Variants in CRMP1 observed in about 807,000 individuals in gnomAD.
CRMP1 encodes the protein collapsin response mediator protein 1, also known as dihydropyrimidinase-related protein 1.
A neutral mutation model predicts 68.3 loss-of-function variants in CRMP1; 19 were observed. The observed-to-expected ratio is 0.28, with a 90% CI of 0.19 to 0.41. CRMP1 has a LOEUF of 0.41. Ranked by LOEUF, CRMP1 falls within the 10% of genes least tolerant of loss-of-function variation. CRMP1 has a pLI of 1.00. For missense variants in CRMP1, 791 were observed against 967.4 expected, an observed-to-expected ratio of 0.82 and a Z score of 2.42; for synonymous variants, 439 against 399.6, an observed-to-expected ratio of 1.10 and a Z score of -1.18.
intron 4 of CRMP1, among the ~76,000 whole-genome samples, chr4:5,852,263 G>A (rs1042001849): frequency 4.6e-5 from 7 of 152,220 alleles, no homozygotes; most frequent in African/African-American, 1.7e-4. Context: ...TGGCACTTGA[G>A]ACGTTACTGC....
intron 1 of CRMP1, among the ~76,000 whole-genome samples, chr4:5,873,943 G>A (rs893093993): frequency 2.2e-4 from 34 of 152,270 alleles, no homozygotes; most frequent in African/African-American, 6.3e-4. Flanking sequence ...GGGAGGAACC[G>A]GAAGATAGAA....
At chr4:5,878,113 G>T (rs1269026287) in intron 1 of CRMP1, among the ~76,000 whole-genome samples, 1 of 152,148 alleles carries the variant, frequency 6.6e-6, no homozygotes, top group African/African-American at 2.4e-5. Context: ...TTAAAAGTGG[G>T]AATAAGTATG....
At position 5,883,181 on chromosome 4, in the gene CRMP1, CTCT is replaced by C. The variant is rs751907932; in HGVS notation, c.381+9405_381+9407del. 5.3e-5 allele frequency among the ~76,000 whole-genome samples: 8 copies of C among 152,300 alleles called. No individual in the cohort carries two copies. Among genetic ancestry groups the C allele is most frequent in the Non-Finnish European group, 7.3e-5 (5 of 68,032 alleles). On this transcript the variant is annotated intron_variant, in intron 1 of 13. Transcript: ENST00000324989. The surrounding 1 kb of genome is among the most constrained non-coding windows in gnomAD (Gnocchi z 4.5). ...GTTGCTTCTGCCAGGGCTGAGTCAT[CTCT>C]TCTCTGAATTCCTCTGACACCTGTG...
Position 5,865,811 on chromosome 4 carries a change from AC to A in CRMP1, c.470+856del, listed in dbSNP as rs1383313881. On this transcript the variant is annotated intron_variant, in intron 2 of 13. Transcript: ENST00000324989. This position sits in a 1 kb window ranked among gnomAD's most constrained non-coding sequence, Gnocchi z 4.1. ...GCCACAGGAGTGGGGCTGGAATCCAACAAAACTGGTGACCTTAGAAGAAGAG... is the reference window on the plus strand; with the variant it reads ...GCCACAGGAGTGGGGCTGGAATCCAAAAAACTGGTGACCTTAGAAGAAGAG... Among the ~76,000 whole-genome samples, 1 of 152,030 alleles carries A rather than the reference AC, an allele frequency of 6.6e-6. No individual in the cohort carries two copies. The highest frequency in any genetic ancestry group is 2.4e-5 in the African/African-American group (1 of 41,382).
chr4:5,839,663 C>A lies in CRMP1; in HGVS notation c.1169G>T (p.Gly390Val). The A allele has an allele frequency of 1.9e-6, 3 of 1,611,686 alleles. No individual in the cohort carries two copies. The highest frequency in any genetic ancestry group is 2.5e-6 in the Non-Finnish European group (3 of 1,179,284). Residue 390 changes from glycine (G) to valine (V), a missense_variant, in exon 9 of 14, where the codon GGA becomes GTA. Around this residue, in one of 3 missense-constraint regions of CRMP1, gnomAD observed 594 missense variants for 763.6 expected, o/e 0.78. Coordinates refer to ENST00000324989, the MANE Select transcript of CRMP1 (RefSeq NM_001014809.3). ...LARKKGPLVF[G>V]EPIAASLGTD... ...CCCCAGGCTGGCGGCAATGGGCTCT[C>A]CAAAAACTAGGGGCCCTTAGGAGGG... is the stretch of plus-strand genomic sequence containing the variant.
rs1303398626 is a variant in CRMP1, at chr4:5,866,958, T to C, written c.382-202A>G. 1.3e-5 allele frequency among the ~76,000 whole-genome samples: 2 copies of C among 152,248 alleles called. No individual in the cohort carries two copies. The highest frequency in any genetic ancestry group is 1.3e-4 in the Admixed American group (2 of 15,288). On this transcript the variant is annotated intron_variant, in intron 1 of 13. Transcript: ENST00000324989. This position sits in a 1 kb window ranked among gnomAD's most constrained non-coding sequence, Gnocchi z 5.9. ...CTTTCACCTTTCTCCCCTCTCACTT[T>C]GTTTTGTTTTTGCTGAGGTGTTTTA...
In CRMP1 at chr4:5,891,788, A is replaced by C. The variant is rs1381823268; in HGVS notation, c.381+801T>G. 6.6e-6 allele frequency among the ~76,000 whole-genome samples: 1 copy of C among 152,104 alleles called. No homozygotes were observed. The highest frequency in any genetic ancestry group is 1.5e-5 in the Non-Finnish European group (1 of 68,004). On this transcript the variant is annotated intron_variant, in intron 1 of 13. Coordinates refer to ENST00000324989, the MANE Select transcript of CRMP1 (RefSeq NM_001014809.3). The surrounding 1 kb of genome is among the most constrained non-coding windows in gnomAD (Gnocchi z 5.2). ...TTCCCCCAGTTTCCTGGTGACCCCC[A>C]GCTCAAGAGAGAATACCCGCAGGGC...
chr4:5,856,946 C>CACCGCCACCATCCACT (rs1470741265), intron 3 of CRMP1, among the ~76,000 whole-genome samples: 2 of 6,884 alleles, frequency 2.9e-4, no homozygotes, highest in African/African-American at 1.2e-3. Context: ...CCATCATCAC[C>CACCGCCACCATCCACT]ATCACCACCA....
intron 12 of CRMP1, among the ~76,000 whole-genome samples, chr4:5,827,847 G>A (rs899680582): frequency 3.9e-5 from 6 of 152,176 alleles, no homozygotes; most frequent in Non-Finnish European, 7.3e-5. Flanking sequence ...TGTTGGCCAC[G>A]GGCGGGAGTC....
chr4:5,874,614 G>A (rs1019808402), intron 1 of CRMP1, among the ~76,000 whole-genome samples: 2 of 152,184 alleles, frequency 1.3e-5, no homozygotes, highest in Middle Eastern at 3.4e-3. Flanking sequence ...GGGCAGGAGG[G>A]GAAGAGGGAG....
At position 5,859,518 on chromosome 4, in the gene CRMP1, G is replaced by C. The variant is rs115569030; in HGVS notation, c.655+1508C>G. Reference sequence around the variant, plus strand: ...CACTACATGAAGGAATCTCATGTACGTCTCCAAACCACCCTAGGCACTTCC... The same window carrying C: ...CACTACATGAAGGAATCTCATGTACCTCTCCAAACCACCCTAGGCACTTCC... On this transcript the variant is annotated intron_variant, in intron 3 of 13. Transcript: ENST00000324989. The surrounding 1 kb of genome is among the most constrained non-coding windows in gnomAD (Gnocchi z 5.2). 1.3e-5 allele frequency among the ~76,000 whole-genome samples: 2 copies of C among 152,172 alleles called. No homozygotes were observed. Among genetic ancestry groups the C allele is most frequent in the African/African-American group, 4.8e-5 (2 of 41,436 alleles).
intron 1 of CRMP1, chr4:5,887,696 A>T: frequency 1.0e-6 from 1 of 985,036 alleles, no homozygotes; most frequent in Non-Finnish European, 1.2e-6. Context: ...CCGAGCTTCC[A>T]TCATGGCGCT....
chr4:5,824,271 G>T, intron 13 of CRMP1: 1 of 984,880 alleles, frequency 1.0e-6, no homozygotes, highest in South Asian at 4.7e-5. Context: ...CTGGTTTGCT[G>T]ATTGAGCATC....
At chr4:5,831,093 C>A in intron 11 of CRMP1, among the ~76,000 whole-genome samples, 1 of 152,084 alleles carries the variant, frequency 6.6e-6, no homozygotes, top group Non-Finnish European at 1.5e-5. Flanking sequence ...GGACTACAGG[C>A]ATGCACCACC....
rs1577707400 is a variant in CRMP1, at chr4:5,821,537, G to A, written c.*223C>T. ...AGGGGGAATGAAAACACCATGCTCC[G>A]AGGTGGATTCAGCATGAACACAACT... On this transcript the variant is annotated 3_prime_UTR_variant, in exon 14 of 14. Coordinates refer to ENST00000324989, the MANE Select transcript of CRMP1 (RefSeq NM_001014809.3). This position sits in a 1 kb window ranked among gnomAD's most constrained non-coding sequence, Gnocchi z 4.4. 6 of 550,966 alleles carry A rather than the reference G, an allele frequency of 1.1e-5. No homozygotes were observed. The highest frequency in any genetic ancestry group is 3.0e-5 in the Admixed American group (1 of 33,152). 34.1% of individuals were successfully genotyped at this position (550,966 alleles called of 1,614,324 possible). A position where few individuals can be genotyped will look rare whatever the true frequency, so the allele number is the denominator to read the frequency against.
intron 1 of CRMP1, among the ~76,000 whole-genome samples, chr4:5,880,635 C>T (rs983691730): frequency 3.3e-5 from 5 of 152,156 alleles, no homozygotes; most frequent in African/African-American, 9.7e-5. Context: ...TGAAATGCAG[C>T]GAAGCCCATT....
chr4:5,872,641 C>T lies in CRMP1; in HGVS notation c.382-5885G>A, dbSNP rs189027646. Reference sequence around the variant, plus strand: ...GGCGGAGGTTGCAGTGAGCTGAGATCGCACCGCTGCAGTCCAGCCTGGGCA... The same window carrying T: ...GGCGGAGGTTGCAGTGAGCTGAGATTGCACCGCTGCAGTCCAGCCTGGGCA... On this transcript the variant is annotated intron_variant, in intron 1 of 13. Coordinates refer to ENST00000324989, the MANE Select transcript of CRMP1 (RefSeq NM_001014809.3). The surrounding 1 kb of genome is among the most constrained non-coding windows in gnomAD (Gnocchi z 4.6). Among the ~76,000 whole-genome samples, 1 of 152,200 alleles carries T rather than the reference C, an allele frequency of 6.6e-6. No individual in the cohort carries two copies. The highest frequency in any genetic ancestry group is 1.5e-5 in the Non-Finnish European group (1 of 68,050).
Position 5,843,053 on chromosome 4 carries a change from G to C in CRMP1, c.1032+40C>G. ...AACAGCATCAAGGTGAGTGCTCAGT[G>C]GTGAGTGTCAGAGTCATGCCCAAGT... On this transcript the variant is annotated intron_variant, in intron 7 of 13. Transcript: ENST00000324989. This position sits in a 1 kb window ranked among gnomAD's most constrained non-coding sequence, Gnocchi z 4.1. The C allele has an allele frequency of 6.3e-7, 1 of 1,591,558 alleles. No individual in the cohort carries two copies. Among genetic ancestry groups the C allele is most frequent in the Non-Finnish European group, 8.6e-7 (1 of 1,160,310 alleles).
intron 13 of CRMP1, among the ~76,000 whole-genome samples, chr4:5,823,444 A>G (rs888822485): frequency 4.6e-5 from 7 of 152,332 alleles, no homozygotes; most frequent in Non-Finnish European, 7.3e-5. Flanking sequence ...TACCTGCTGG[A>G]AAAAAGGACA....
Sources: gnomAD v4.1 joint callset for allele counts (sites outside exome capture counted in the v4.1 genomes callset) on GRCh38, gnomAD v4.1.1 for gene constraint, gnomAD v4.1.1 regional missense constraint, Gnocchi (gnomAD v3.1) non-coding constraint, MANE v1.5 for transcripts, NCBI Gene and HGNC (gene_info 2026-07-23, HGNC 2026-07-21) for gene names.